Variants in ZFPM2 observed in about 807,000 individuals in gnomAD.
ZFPM2 encodes the protein zinc finger protein ZFPM2.
Under a neutral mutation model 98.6 loss-of-function variants are expected in ZFPM2, and 20 were observed. That is an observed-to-expected ratio of 0.20 (90% CI 0.14 to 0.29). The LOEUF is 0.29. Ranked by LOEUF, ZFPM2 falls within the 10% of genes least tolerant of loss-of-function variation. ZFPM2 has a pLI of 1.00. For synonymous variants in ZFPM2, 518 were observed against 502.7 expected (o/e 1.03, Z -0.41); for missense variants, 1,310 against 1,388.6 (o/e 0.94, Z 0.90).
At chr8:105,434,129 G>T (rs1812074413) in intron 2 of ZFPM2, among the ~76,000 whole-genome samples, 1 of 151,954 alleles carries the variant, frequency 6.6e-6, no homozygotes, top group African/African-American at 2.4e-5. Flanking sequence ...ACCTGAGTTA[G>T]AAACCAGGAT....
At chr8:105,419,682 CAG>C (rs779673554) in intron 2 of ZFPM2, among the ~76,000 whole-genome samples, 5 of 152,158 alleles carry the variant, frequency 3.3e-5, no homozygotes, top group East Asian at 3.9e-4. Context: ...CTGAATGAGT[CAG>C]AGAGTTCTCA....
intron 4 of ZFPM2, among the ~76,000 whole-genome samples, chr8:105,588,879 A>C (rs1324204884): frequency 6.6e-6 from 1 of 152,198 alleles, no homozygotes; most frequent in Non-Finnish European, 1.5e-5. Flanking sequence ...GCTGATGATG[A>C]GTAGGCTTGG....
intron 1 of ZFPM2, among the ~76,000 whole-genome samples, chr8:105,407,692 T>C (rs1290089924): frequency 6.6e-6 from 1 of 151,992 alleles, no homozygotes; most frequent in Non-Finnish European, 1.5e-5. Context: ...TAGCTGCTGA[T>C]GAGAACCTTT....
chr8:105,595,202 TG>T (rs1396056550), intron 4 of ZFPM2, among the ~76,000 whole-genome samples: 2 of 152,146 alleles, frequency 1.3e-5, no homozygotes, highest in Admixed American at 1.3e-4. Flanking sequence ...CAACACATTT[TG>T]GTCTTTTTAT....
At chr8:105,794,090 C>T (rs1422283419) in intron 6 of ZFPM2, among the ~76,000 whole-genome samples, 10 of 152,210 alleles carry the variant, frequency 6.6e-5, no homozygotes, top group Admixed American at 3.3e-4. Flanking sequence ...AGTCCTTCTC[C>T]GTCCAGCTTT....
At chr8:105,551,907 A>G (rs1814862006) in intron 3 of ZFPM2, among the ~76,000 whole-genome samples, 1 of 151,976 alleles carries the variant, frequency 6.6e-6, no homozygotes, top group Non-Finnish European at 1.5e-5. Flanking sequence ...TCTACAAACA[A>G]ACAAGTATAT....
chr8:105,441,974 A>G (rs1420481286), intron 2 of ZFPM2, among the ~76,000 whole-genome samples: 1 of 152,094 alleles, frequency 6.6e-6, no homozygotes, highest in Non-Finnish European at 1.5e-5. Flanking sequence ...AGACTTTTTT[A>G]TGGTGTGCCT....
intron 5 of ZFPM2, among the ~76,000 whole-genome samples, chr8:105,636,669 A>G (rs1178988183): frequency 6.6e-6 from 1 of 152,274 alleles, no homozygotes; most frequent in East Asian, 1.9e-4. Flanking sequence ...GAAAAGCACT[A>G]AGTAAATATA....
intron 3 of ZFPM2, among the ~76,000 whole-genome samples, chr8:105,470,322 G>A (rs542663554): frequency 6.6e-6 from 1 of 152,246 alleles, no homozygotes; most frequent in African/African-American, 2.4e-5. Context: ...TGAAAAGTAA[G>A]CTAATTTTGT....
rs1330221228 is a variant in ZFPM2, at chr8:105,523,623, G to A, written c.302-37740G>A. ...AGAGTAATTTCTTCTCTGCTCTATT[G>A]CATCTGTCAATTACTGCACCCCCCT... On this transcript the variant is annotated intron_variant, in intron 3 of 7. Transcript: ENST00000407775. 3.9e-5 allele frequency among the ~76,000 whole-genome samples: 6 copies of A among 152,266 alleles called. No individual in the cohort carries two copies. In the South Asian group the frequency reaches 6.2e-4, roughly 16 times the overall value.
Position 105,654,575 on chromosome 8 carries a change from C to CT in ZFPM2, c.532+20229dup, listed in dbSNP as rs59285951. On this transcript the variant is annotated intron_variant, in intron 5 of 7. Transcript: ENST00000407775. ...ATTAAGATTTATCTTTTTTTCTATC[C>CT]TTTTTTTTTTTAAAAATGAAAGCAC... is the stretch of plus-strand genomic sequence containing the variant. 4.3e-3 allele frequency among the ~76,000 whole-genome samples: 642 copies of CT among 150,114 alleles called. 3 individuals carry two copies. The highest frequency in any genetic ancestry group is 0.011 in the African/African-American group (457 of 41,072).
At chr8:105,546,592 A>G (rs891189529) in intron 3 of ZFPM2, among the ~76,000 whole-genome samples, 19 of 150,972 alleles carry the variant, frequency 1.3e-4, no homozygotes, top group African/African-American at 4.4e-4. Flanking sequence ...AAACAAACCC[A>G]AAAACCACTA....
intron 4 of ZFPM2, among the ~76,000 whole-genome samples, chr8:105,589,199 T>C (rs1815791290): frequency 6.6e-6 from 1 of 152,224 alleles, no homozygotes; most frequent in Non-Finnish European, 1.5e-5. Flanking sequence ...TCAGAATTTT[T>C]TGTGCCATTA....
chr8:105,558,960 AAC>A (rs1394705324), intron 3 of ZFPM2, among the ~76,000 whole-genome samples: 3 of 152,182 alleles, frequency 2.0e-5, no homozygotes, highest in Admixed American at 6.6e-5. Context: ...ATAGAAATTA[AAC>A]AGTTTATTTT....
intron 3 of ZFPM2, among the ~76,000 whole-genome samples, chr8:105,531,312 G>C (rs1349936817): frequency 6.6e-6 from 1 of 152,150 alleles, no homozygotes; most frequent in Non-Finnish European, 1.5e-5. Flanking sequence ...GCAGGGTGAT[G>C]TTCCCTCTGA....
intron 5 of ZFPM2, among the ~76,000 whole-genome samples, chr8:105,715,772 C>T (rs746820021): frequency 6.6e-6 from 1 of 151,926 alleles, no homozygotes; most frequent in Non-Finnish European, 1.5e-5. Flanking sequence ...TAGTGGTTCT[C>T]AGAAAATCAG....
intron 2 of ZFPM2, among the ~76,000 whole-genome samples, chr8:105,426,780 TA>T (rs1320010440): frequency 1.3e-5 from 2 of 149,800 alleles, no homozygotes; most frequent in Non-Finnish European, 3.0e-5. Context: ...ATCCCATCTC[TA>T]AAAATACAAA....
intron 5 of ZFPM2, among the ~76,000 whole-genome samples, chr8:105,635,323 G>T (rs1816825376): frequency 6.6e-6 from 1 of 151,942 alleles, no homozygotes; most frequent in South Asian, 2.1e-4. Flanking sequence ...TAACATCAAA[G>T]ACTCTTAAAA....
intron 3 of ZFPM2, among the ~76,000 whole-genome samples, chr8:105,447,532 T>C (rs1812399705): frequency 6.6e-6 from 1 of 152,112 alleles, no homozygotes; most frequent in Admixed American, 6.5e-5. Context: ...AGAAAAGTTT[T>C]GTCATACTAA....
Sources: gnomAD v4.1 joint callset for allele counts (sites outside exome capture counted in the v4.1 genomes callset) on GRCh38, gnomAD v4.1.1 for gene constraint, MANE v1.5 for transcripts, NCBI Gene and HGNC (gene_info 2026-07-23, HGNC 2026-07-21) for gene names.